RNF14: variants seen among roughly 807,000 people sequenced by gnomAD.
The protein encoded by RNF14 is ring finger protein 14.
In RNF14, 26 loss-of-function variants were observed where a neutral mutation model predicts 52.6. The observed-to-expected ratio is 0.49, with a 90% confidence interval of 0.36 to 0.69. The LOEUF (loss-of-function observed/expected upper bound fraction) is 0.69, where lower values mean the gene tolerates loss of function less well. Among genes scored for constraint, RNF14 ranks in the 30% least tolerant of loss-of-function variants. The pLI is 0.00. For missense variants in RNF14, 404 were observed against 560.4 expected (o/e 0.72, Z 2.82); for synonymous variants, 194 against 202.0 (o/e 0.96, Z 0.34).
In RNF14 at chr5:141,988,333, G is replaced by A. The variant is rs433623; in HGVS notation, c.*543G>A. 82,080 of 152,498 alleles carry A rather than the reference G, an allele frequency of 0.54. 23,875 individuals are homozygous for A. Among genetic ancestry groups the A allele is most frequent in the East Asian group, 0.97 (5,137 of 5,310 alleles). The allele number at this position is 152,498 out of a possible 1,614,324, so 9.4% of individuals were successfully genotyped here. The stretch of plus-strand genomic sequence containing the variant: ...CTCTTTGGAGGAAGCCCATTACTCC[G>A]TAACTGACTGGATGGTCCAGTGTCA... On this transcript the variant is annotated 3_prime_UTR_variant, in exon 9 of 9. Coordinates refer to ENST00000394520, the MANE Select transcript of RNF14 (RefSeq NM_004290.5).
intron 7 of RNF14, among the ~76,000 whole-genome samples, chr5:141,984,099 C>A (rs1755020974): frequency 6.8e-6 from 1 of 147,066 alleles, no homozygotes. Context: ...TATATGTAAT[C>A]ACTTTTTTTT....
At chr5:141,965,192 C>G (rs886222106), upstream of RNF14, among the ~76,000 whole-genome samples, 5 of 152,088 alleles carry the variant, frequency 3.3e-5, no homozygotes, top group East Asian at 9.6e-4. Context: ...AGGAGGCAGT[C>G]CCCCCTGGGA....
At chr5:141,967,708 G>A (rs1420301449), upstream of RNF14, among the ~76,000 whole-genome samples, 11 of 152,308 alleles carry the variant, frequency 7.2e-5, no homozygotes, top group East Asian at 1.9e-4. Context: ...ATGAAAAAGC[G>A]GACACAGGAG....
chr5:141,976,149 C>G (rs754912583), intron 4 of RNF14, among the ~76,000 whole-genome samples: 1 of 152,296 alleles, frequency 6.6e-6, no homozygotes, highest in Non-Finnish European at 1.5e-5. Flanking sequence ...ACTTTACATT[C>G]TAATGTCTGT....
intron 2 of RNF14, among the ~76,000 whole-genome samples, chr5:141,972,236 AT>A (rs5871798): frequency 3.4e-5 from 5 of 148,966 alleles, no homozygotes; most frequent in Non-Finnish European, 4.5e-5. Context: ...ATTTGGAGAT[AT>A]TTTTTTTTTT....
At position 141,990,101 on chromosome 5, in the gene RNF14, G is replaced by A. The variant is rs1755508588; in HGVS notation, c.*2311G>A. 6.6e-6 allele frequency: 1 copy of A among 152,094 alleles called. No homozygotes were observed. The allele number at this position is 152,094 out of a possible 1,614,324, so 9.4% of individuals were successfully genotyped here. A position where few individuals can be genotyped will look rare whatever the true frequency, so the allele number is the denominator to read the frequency against. ...TCACTCAATTTTAACAAAGAAAATA[G>A]GGCTTATAAAGTTATACTTTTGAAG... On this transcript the variant is annotated 3_prime_UTR_variant, in exon 9 of 9. Transcript: ENST00000394520.
intron 7 of RNF14, 45 bp downstream of exon 7, chr5:141,983,597 A>C: frequency 6.5e-7 from 1 of 1,533,006 alleles, no homozygotes; most frequent in Non-Finnish European, 8.8e-7. Context: ...ACTTGCAAGG[A>C]TGTTATGATT....
upstream of RNF14, chr5:141,955,698 C>T (rs771317931): frequency 2.2e-5 from 36 of 1,614,024 alleles, no homozygotes; most frequent in East Asian, 1.1e-4. This position sits in a 1 kb window ranked among gnomAD's most constrained non-coding sequence, Gnocchi z 5.5. Context: ...GGCAGATCAC[C>T]GTCAGCATCG....
In RNF14 at chr5:141,988,361, T is replaced by C. The variant is rs1755415096; in HGVS notation, c.*571T>C. The C allele has an allele frequency of 1.3e-5, 2 of 152,410 alleles. No individual in the cohort carries two copies. Among genetic ancestry groups the C allele is most frequent in the Non-Finnish European group, 2.9e-5 (2 of 68,104 alleles). 9.4% of individuals were successfully genotyped at this position (152,410 alleles called of 1,614,324 possible). The stretch of plus-strand genomic sequence containing the variant: ...ACTGACTGGATGGTCCAGTGTCATT[T>C]TGATCTGCTTTTCAGAATGGAAATT... On this transcript the variant is annotated 3_prime_UTR_variant, in exon 9 of 9. Transcript: ENST00000394520.
At chr5:141,985,071 TC>T in intron 8 of RNF14, 138 bp downstream of exon 8, 1 of 818,830 alleles carries the variant, frequency 1.2e-6, no homozygotes, top group Non-Finnish European at 1.9e-6. Flanking sequence ...AAAGGAATTT[TC>T]ATATTATTTT....
At chr5:141,970,538 CT>C (rs1753653056) in intron 1 of RNF14, 165 bp from the exon 2 acceptor site, 1 of 152,208 alleles carries the variant, frequency 6.6e-6, no homozygotes, top group Admixed American at 6.5e-5. Flanking sequence ...GCAAATACTC[CT>C]TTAACCACAT....
intron 1 of RNF14, chr5:141,969,458 C>T (rs949250367): frequency 6.6e-6 from 1 of 152,324 alleles, no homozygotes; most frequent in Admixed American, 6.5e-5. Flanking sequence ...CCCTCTGATC[C>T]CAGCGTTGGG....
At chr5:141,981,339 G>C (rs1258623290) in intron 6 of RNF14, among the ~76,000 whole-genome samples, 1 of 151,990 alleles carries the variant, frequency 6.6e-6, no homozygotes, top group Admixed American at 6.6e-5. Context: ...TTAGCTGACT[G>C]TGGTGGTGCA....
intron 5 of RNF14, among the ~76,000 whole-genome samples, chr5:141,979,814 CA>C (rs1357040566): frequency 2.0e-5 from 3 of 152,128 alleles, no homozygotes; most frequent in Non-Finnish European, 2.9e-5. Flanking sequence ...CATTTGAGCC[CA>C]GGAGTTCAAG....
At position 141,987,763 on chromosome 5, in the gene RNF14, T is replaced by C. The variant is rs1261664198; in HGVS notation, c.1398T>C (p.Asp466=). The stretch of plus-strand genomic sequence containing the variant: ...TTTATGCTGTGGATGTTGACGACGA[T>C]ATTTGGGAAGATGAGGTAGAAGACT... ...RLFYAVDVDD[D]IWEDEVED Residue 466 remains aspartate, a synonymous_variant, in exon 9 of 9, where the codon GAT becomes GAC. Coordinates refer to ENST00000394520, the MANE Select transcript of RNF14 (RefSeq NM_004290.5). 3.7e-6 allele frequency: 6 copies of C among 1,613,906 alleles called. No homozygotes were observed. The highest frequency in any genetic ancestry group is 4.2e-6 in the Non-Finnish European group (5 of 1,179,998).
chr5:141,958,219 A>T (rs528484208), upstream of RNF14: 201 of 210,024 alleles, frequency 9.6e-4, 4 homozygotes, highest in Middle Eastern at 1.8e-3. Context: ...GAAACAGAGA[A>T]GCAGCTTTTT....
chr5:141,955,045 A>AC, upstream of RNF14: 1 of 1,614,236 alleles, frequency 6.2e-7, no homozygotes, highest in Non-Finnish European at 8.5e-7. This position sits in a 1 kb window ranked among gnomAD's most constrained non-coding sequence, Gnocchi z 5.5. Context: ...AGACAGCCGG[A>AC]CCAGGCTCCG....
At position 141,989,461 on chromosome 5, in the gene RNF14, A is replaced by C. The variant is rs1243438502; in HGVS notation, c.*1671A>C. Reference sequence around the variant, plus strand: ...GTAATCCCAGCACTTTGGGAGGCCTAGGCGGGCGGATCACGAGGTCAGGAG... The same window carrying C: ...GTAATCCCAGCACTTTGGGAGGCCTCGGCGGGCGGATCACGAGGTCAGGAG... On this transcript the variant is annotated 3_prime_UTR_variant, in exon 9 of 9. Transcript: ENST00000394520. 1 of 152,222 alleles carries C rather than the reference A, an allele frequency of 6.6e-6. No homozygotes were observed. The highest frequency in any genetic ancestry group is 1.5e-5 in the Non-Finnish European group (1 of 68,058). 9.4% of individuals were successfully genotyped at this position (152,222 alleles called of 1,614,324 possible).
intron 8 of RNF14, among the ~76,000 whole-genome samples, chr5:141,986,476 A>G (rs890635295): frequency 6.6e-6 from 1 of 152,234 alleles, no homozygotes; most frequent in Admixed American, 6.5e-5. Flanking sequence ...AGTGTCTTGA[A>G]AGGGTTCAGT....
Sources: gnomAD v4.1 joint callset for allele counts (sites outside exome capture counted in the v4.1 genomes callset) on GRCh38, gnomAD v4.1.1 for gene constraint, Gnocchi (gnomAD v3.1) non-coding constraint, MANE v1.5 for transcripts, NCBI Gene and HGNC (gene_info 2026-07-23, HGNC 2026-07-21) for gene names.